The following DDX60L variants were observed in gnomAD, a reference collection of about 807,000 sequenced individuals.
DDX60L encodes the protein DExD/H-box 60 like, also known as probable ATP-dependent RNA helicase DDX60-like.
In DDX60L, 191 loss-of-function variants were observed where a neutral mutation model predicts 211.6. The ratio of observed to expected loss-of-function variants is 0.90; its 90% CI spans 0.80 to 1.02. The LOEUF is 1.02. DDX60L is among the 50% of genes least tolerant of loss of function. DDX60L has a pLI of 0.00. For synonymous variants in DDX60L, 706 were observed against 694.1 expected (o/e 1.02, Z -0.27); for missense variants, 2,007 against 1,984.1 (o/e 1.01, Z -0.22).
At chr4:168,449,038 C>T (rs1030032903) in intron 8 of DDX60L, among the ~76,000 whole-genome samples, 1 of 152,108 alleles carries the variant, frequency 6.6e-6, no homozygotes, top group African/African-American at 2.4e-5. Context: ...TAATGTGGTA[C>T]TAAAACTATA....
intron 26 of DDX60L, among the ~76,000 whole-genome samples, chr4:168,400,281 G>C (rs1409984038): frequency 5.9e-5 from 9 of 152,110 alleles, no homozygotes; most frequent in Non-Finnish European, 1.3e-4. Context: ...GGGCATCTAG[G>C]TTGATTCCAT....
At chr4:168,409,470 C>T (rs1020961662) in intron 22 of DDX60L, among the ~76,000 whole-genome samples, 1 of 152,142 alleles carries the variant, frequency 6.6e-6, no homozygotes, top group African/African-American at 2.4e-5. Flanking sequence ...AAATTCAATG[C>T]TGAAGATATC....
intron 26 of DDX60L, among the ~76,000 whole-genome samples, chr4:168,398,030 G>A (rs759101069): frequency 6.6e-6 from 1 of 152,094 alleles, no homozygotes; most frequent in Non-Finnish European, 1.5e-5. Context: ...GTGCACTTGG[G>A]TGCCAGGAGT....
intron 20 of DDX60L, 115 bp downstream of exon 20, chr4:168,416,567 T>G (rs1219337751): frequency 1.8e-6 from 1 of 570,690 alleles, no homozygotes; most frequent in African/African-American, 1.9e-5. Context: ...AAAGATTGGG[T>G]AATAAATTTA....
At chr4:168,428,379 T>C (rs1579579500) in intron 13 of DDX60L, among the ~76,000 whole-genome samples, 2 of 152,188 alleles carry the variant, frequency 1.3e-5, no homozygotes, top group East Asian at 1.9e-4. Context: ...CTGTCACTGA[T>C]TGTAGCCTTT....
Position 168,472,814 on chromosome 4 carries a change from A to G in DDX60L, c.-110-5T>C, listed in dbSNP as rs1758980346. Reference sequence around the variant, plus strand: ...CATTTGATGTGAATGGCACCTCTGTAATAAAAGAAAAAATAGAACTGCAGT... The same window carrying G: ...CATTTGATGTGAATGGCACCTCTGTGATAAAAGAAAAAATAGAACTGCAGT... On this transcript the variant is annotated splice_region_variant and splice_polypyrimidine_tract_variant and intron_variant, in intron 1 of 37. Transcript: ENST00000682922. The G allele has an allele frequency of 4.6e-6, 5 of 1,077,748 alleles. 2 individuals are homozygous for G. The South Asian group carries it at 5.8e-5, about 12-fold the overall frequency. The allele number at this position is 1,077,748 out of a possible 1,614,324, so 66.8% of individuals were successfully genotyped here. A position where few individuals can be genotyped will look rare whatever the true frequency, so the allele number is the denominator to read the frequency against.
chr4:168,423,675 T>C lies in DDX60L; in HGVS notation c.2030A>G (p.Gln677Arg). 6.2e-7 allele frequency: 1 copy of C among 1,605,230 alleles called. No homozygotes were observed. Among genetic ancestry groups the C allele is most frequent in the Non-Finnish European group, 8.5e-7 (1 of 1,175,752 alleles). Residue 677 changes from glutamine to arginine, a missense_variant, in exon 15 of 38, where the codon CAA becomes CGA. Transcript: ENST00000682922. ...ATATTTAAGGCATTTAGCTATATAT[T>C]GATGATGTTCTGCTTCCAAAATTTC... Reference protein sequence around the residue: ...YPEILEAEHHQYIAKCLKYLG... With the variant: ...YPEILEAEHHRYIAKCLKYLG...
At chr4:168,428,834 G>C (rs1339873103) in intron 13 of DDX60L, among the ~76,000 whole-genome samples, 2 of 152,134 alleles carry the variant, frequency 1.3e-5, no homozygotes, top group Non-Finnish European at 2.9e-5. Context: ...TGTGTTACCT[G>C]ATACTTTTCC....
At chr4:168,420,439 T>C in intron 17 of DDX60L, 59 bp from the exon 18 acceptor site, 3 of 1,482,750 alleles carry the variant, frequency 2.0e-6, no homozygotes, top group Non-Finnish European at 2.7e-6. Flanking sequence ...TATAAAACCT[T>C]GAGGACAACC....
intron 12 of DDX60L, among the ~76,000 whole-genome samples, chr4:168,431,802 A>T (rs1752401693): frequency 6.6e-6 from 1 of 152,212 alleles, no homozygotes; most frequent in Non-Finnish European, 1.5e-5. Context: ...AACCAGGAAA[A>T]AAAGATCTAT....
intron 22 of DDX60L, among the ~76,000 whole-genome samples, chr4:168,409,933 G>T (rs561897320): frequency 2.0e-5 from 3 of 152,228 alleles, no homozygotes; most frequent in African/African-American, 7.2e-5. Context: ...TAAAGATGTT[G>T]TGAAGGTTAA....
At chr4:168,389,053 A>G (rs1744368100) in intron 29 of DDX60L, among the ~76,000 whole-genome samples, 1 of 152,212 alleles carries the variant, frequency 6.6e-6, no homozygotes. Context: ...TGTGGTAGGC[A>G]GCTTTCTCAG....
chr4:168,422,468 A>G, intron 16 of DDX60L, 56 bp downstream of exon 16: 1 of 1,525,624 alleles, frequency 6.6e-7, no homozygotes, highest in Non-Finnish European at 8.8e-7. Context: ...GAGACACAGT[A>G]ATGAAAAGTT....
At chr4:168,381,913 T>C (rs4692924) in intron 30 of DDX60L, among the ~76,000 whole-genome samples, 1 of 151,914 alleles carries the variant, frequency 6.6e-6, no homozygotes, top group Admixed American at 6.6e-5. Flanking sequence ...CAAAAACCTT[T>C]AAAGTGTACT....
intron 9 of DDX60L, among the ~76,000 whole-genome samples, chr4:168,442,506 G>T (rs1470991135): frequency 2.0e-5 from 3 of 152,070 alleles, no homozygotes; most frequent in African/African-American, 7.3e-5. Flanking sequence ...CTGGAAGCGC[G>T]AACTGGGTGG....
chr4:168,390,438 A>G, intron 29 of DDX60L: 1 of 1,326,424 alleles, frequency 7.5e-7, no homozygotes, highest in Non-Finnish European at 9.6e-7. Context: ...AAGTTGAAAC[A>G]GCAACATCCT....
chr4:168,401,352 T>G lies in DDX60L; in HGVS notation c.3339-374A>C, dbSNP rs185013593. ...TTTCAACCAATTCCCAATCAGAAAA[T>G]TTTTAAATCTACCTGTAACCTGGAA... is the stretch of plus-strand genomic sequence containing the variant. On this transcript the variant is annotated intron_variant, in intron 25 of 37. Transcript: ENST00000682922. 6.7e-4 allele frequency among the ~76,000 whole-genome samples: 102 copies of G among 152,322 alleles called. 1 individual carries two copies. Among genetic ancestry groups the G allele is most frequent in the Admixed American group, 6.3e-3 (97 of 15,296 alleles).
chr4:168,473,676 GA>G (rs1759100499), intron 1 of DDX60L, among the ~76,000 whole-genome samples: 2 of 152,126 alleles, frequency 1.3e-5, no homozygotes, highest in African/African-American at 2.4e-5. Context: ...GATAACTGAG[GA>G]AATGAGTATA....
Position 168,422,999 on chromosome 4 carries a change from G to GTGTGTGTGTGTGTA in DDX60L, c.2098-330_2098-329insTACACACACACACA, listed in dbSNP as rs551448406. Among the ~76,000 whole-genome samples the GTGTGTGTGTGTGTA allele has an allele frequency of 2.9e-3, 401 of 137,600 alleles. 7 individuals carry two copies. The highest frequency in any genetic ancestry group is 9.6e-3 in the African/African-American group (344 of 35,668). The allele number at this position is 137,600 out of a possible 152,430, so 90.3% of individuals were successfully genotyped here. On this transcript the variant is annotated intron_variant, in intron 15 of 37. Coordinates refer to ENST00000682922, the MANE Select transcript of DDX60L (RefSeq NM_001012967.3). Reference sequence around the variant, plus strand: ...TGTGTGTGTGTGTGTGTGTGTGTGTGTTGTAGAGACAGGGTGTTGCCATGT... The same window carrying GTGTGTGTGTGTGTA: ...TGTGTGTGTGTGTGTGTGTGTGTGTGTGTGTGTGTGTGTATTGTAGAGACAGGGTGTTGCCATGT...
Sources: gnomAD v4.1 joint callset for allele counts (sites outside exome capture counted in the v4.1 genomes callset) on GRCh38, gnomAD v4.1.1 for gene constraint, MANE v1.5 for transcripts, NCBI Gene and HGNC (gene_info 2026-07-23, HGNC 2026-07-21) for gene names.